Variants in SAMD12 observed in about 807,000 individuals in gnomAD.
The protein encoded by SAMD12 is sterile alpha motif domain-containing protein 12.
In SAMD12, 9 loss-of-function variants were observed where a neutral mutation model predicts 15.0. That is an observed-to-expected ratio of 0.60 (90% CI 0.36 to 1.05). The LOEUF is 1.05. Ranked by LOEUF, SAMD12 falls within the 50% of genes least tolerant of loss-of-function variation. SAMD12 has a pLI of 0.01. For missense variants in SAMD12, 230 were observed against 234.2 expected, an observed-to-expected ratio of 0.98 and a Z score of 0.12; for synonymous variants, 86 against 90.1, an observed-to-expected ratio of 0.96 and a Z score of 0.25.
intron 2 of SAMD12, among the ~76,000 whole-genome samples, chr8:118,521,849 A>G (rs975073928): frequency 6.6e-6 from 1 of 152,206 alleles, no homozygotes; most frequent in South Asian, 2.1e-4. Context: ...AGCAAATGCA[A>G]AAGAGAAGCT....
At chr8:118,426,734 C>G (rs1272687175) in intron 3 of SAMD12, among the ~76,000 whole-genome samples, 1 of 152,094 alleles carries the variant, frequency 6.6e-6, no homozygotes, top group African/African-American at 2.4e-5. Context: ...CAAATTGGTG[C>G]TGTTCTGTGA....
intron 3 of SAMD12, among the ~76,000 whole-genome samples, chr8:118,420,209 C>T (rs914108862): frequency 5.9e-5 from 9 of 152,068 alleles, no homozygotes; most frequent in Admixed American, 2.0e-4. Flanking sequence ...GAAAGAAAAT[C>T]GGGACTCTTA....
chr8:118,142,436 G>A, the SAMD12 span, among the ~76,000 whole-genome samples: 6 of 152,048 alleles, frequency 3.9e-5, no homozygotes, highest in South Asian at 1.0e-3. Flanking sequence ...TCTTCTTCTG[G>A]GAACCTTCTC....
chr8:118,379,610 A>G lies in SAMD12; in HGVS notation c.413T>C (p.Leu138Pro), dbSNP rs970409156. 2 of 1,613,824 alleles carry G rather than the reference A, an allele frequency of 1.2e-6. No homozygotes were observed. The highest frequency in any genetic ancestry group is 2.7e-5 in the African/African-American group (2 of 74,908). The change falls in exon 4 of 4, where the codon CTC (leucine) becomes CCC (proline). Residue 138 changes from leucine (L) to proline (P), a missense_variant. Coordinates refer to ENST00000314727, the MANE Select transcript of SAMD12 (RefSeq NM_207506.3). Reference protein sequence around the residue: ...NLRQHILQQVLQLKVREEVRN... With the variant: ...NLRQHILQQVPQLKVREEVRN... Reference sequence around the variant, plus strand: ...GACTTCTTCTCGCACCTTCAGCTGGAGCACCTGTTGTAAGATGTGCTGCCG... The same window carrying G: ...GACTTCTTCTCGCACCTTCAGCTGGGGCACCTGTTGTAAGATGTGCTGCCG...
chr8:118,351,890 C>T (rs534774798), intron 4 of SAMD12, among the ~76,000 whole-genome samples: 3 of 152,194 alleles, frequency 2.0e-5, no homozygotes, highest in Non-Finnish European at 4.4e-5. Context: ...TCACAGTTCT[C>T]ATTCTTCTGG....
chr8:118,437,678 G>A (rs2130883873), intron 3 of SAMD12, among the ~76,000 whole-genome samples: 1 of 152,172 alleles, frequency 6.6e-6, no homozygotes, highest in East Asian at 1.9e-4. Flanking sequence ...CCCAATACCT[G>A]GTATGTTTCA....
At chr8:118,607,680 G>T (rs935491138) in intron 1 of SAMD12, among the ~76,000 whole-genome samples, 6 of 152,166 alleles carry the variant, frequency 3.9e-5, no homozygotes, top group Admixed American at 2.0e-4. Flanking sequence ...CTACCTGAAA[G>T]GTTGATGTGA....
At chr8:118,295,076 A>G (rs1814635913) in intron 4 of SAMD12, among the ~76,000 whole-genome samples, 2 of 152,200 alleles carry the variant, frequency 1.3e-5, no homozygotes, top group African/African-American at 4.8e-5. Context: ...AAAACAGGAC[A>G]TACAAGTCAT....
At chr8:118,267,067 A>C (rs968641756) in intron 4 of SAMD12, among the ~76,000 whole-genome samples, 1 of 152,128 alleles carries the variant, frequency 6.6e-6, no homozygotes, top group African/African-American at 2.4e-5. Context: ...ATATATATAT[A>C]TCAAAATATC....
At chr8:118,621,609 T>C in intron 1 of SAMD12, 195 bp downstream of exon 1, 1 of 632,386 alleles carries the variant, frequency 1.6e-6, no homozygotes, top group South Asian at 1.9e-5. Context: ...CCTTCACGTC[T>C]CTCCAAAGCA....
At chr8:118,481,448 G>A (rs1478228176) in intron 2 of SAMD12, among the ~76,000 whole-genome samples, 7 of 152,190 alleles carry the variant, frequency 4.6e-5, no homozygotes, top group African/African-American at 1.7e-4. Flanking sequence ...CTGGTAGGAA[G>A]AAGGAAAAGA....
chr8:118,203,065 A>G (rs1216177466), intron 4 of SAMD12, among the ~76,000 whole-genome samples: 1 of 152,212 alleles, frequency 6.6e-6, no homozygotes, highest in Non-Finnish European at 1.5e-5. Flanking sequence ...GAATGCATAG[A>G]GCTGGGACTA....
chr8:118,550,870 T>A (rs6469757), intron 2 of SAMD12, among the ~76,000 whole-genome samples: 1 of 147,404 alleles, frequency 6.8e-6, no homozygotes, highest in African/African-American at 2.5e-5. Context: ...AAAGGCAGGG[T>A]TTGCAATCCT....
At chr8:118,516,724 C>T (rs570724903) in intron 2 of SAMD12, among the ~76,000 whole-genome samples, 51 of 151,488 alleles carry the variant, frequency 3.4e-4, no homozygotes, top group African/African-American at 8.2e-4. Context: ...CTGCAACCTC[C>T]GCCTCCTGGG....
intron 4 of SAMD12, among the ~76,000 whole-genome samples, chr8:118,296,529 C>T (rs576732014): frequency 1.3e-5 from 2 of 152,254 alleles, no homozygotes; most frequent in African/African-American, 2.4e-5. Context: ...GTAAATTCCC[C>T]GAAGGCACAG....
intron 2 of SAMD12, among the ~76,000 whole-genome samples, chr8:118,566,993 C>T (rs1826871315): frequency 1.3e-5 from 2 of 152,116 alleles, no homozygotes; most frequent in South Asian, 4.1e-4. Context: ...TTCCAAACCA[C>T]CTTGCCAAAA....
chr8:118,592,949 G>A (rs1827620297), intron 1 of SAMD12, among the ~76,000 whole-genome samples: 2 of 152,166 alleles, frequency 1.3e-5, no homozygotes, highest in Non-Finnish European at 2.9e-5. Context: ...AGAGGTTCTG[G>A]TTTGACTTAA....
rs189105761 is a variant in SAMD12 at position 118,556,229 on chromosome 8, A to G, written c.192+24486T>C. On this transcript the variant is annotated intron_variant, in intron 2 of 3. Transcript: ENST00000314727. ...GTGTCAAAGATTTAAATGGAAAACA[A>G]TCCCACTTAGTATATGATTCTTTTG... Among the ~76,000 whole-genome samples the G allele has an allele frequency of 1.8e-3, 269 of 152,366 alleles. 1 individual carries two copies. Among genetic ancestry groups the G allele is most frequent in the African/African-American group, 6.2e-3 (259 of 41,588 alleles).
At chr8:118,215,656 T>C (rs1320278847) in intron 4 of SAMD12, among the ~76,000 whole-genome samples, 9 of 142,470 alleles carry the variant, frequency 6.3e-5, no homozygotes, top group Non-Finnish European at 7.6e-5. Flanking sequence ...GATATTCCCC[T>C]TCCTGTGTCC....
Sources: gnomAD v4.1 joint callset for allele counts (sites outside exome capture counted in the v4.1 genomes callset) on GRCh38, gnomAD v4.1.1 for gene constraint, MANE v1.5 for transcripts, NCBI Gene and HGNC (gene_info 2026-07-23, HGNC 2026-07-21) for gene names.